TDRKH: variants seen among roughly 807,000 people sequenced by gnomAD.
TDRKH encodes tudor and KH domain containing.
A neutral mutation model predicts 61.3 loss-of-function variants in TDRKH; 28 were observed. The ratio of observed to expected loss-of-function variants is 0.46; its 90% CI spans 0.34 to 0.63. TDRKH has a LOEUF of 0.63. TDRKH is among the 20% of genes least tolerant of loss of function. The pLI, the probability that TDRKH is intolerant of heterozygous loss-of-function variation, is 0.01. For synonymous variants in TDRKH, 219 were observed against 244.4 expected (o/e 0.90, Z 0.97); for missense variants, 540 against 683.4 (o/e 0.79, Z 2.34).
chr1:151,778,176 A>G (rs1649392271), intron 6 of TDRKH, among the ~76,000 whole-genome samples: 1 of 152,212 alleles, frequency 6.6e-6, no homozygotes, highest in African/African-American at 2.4e-5. Context: ...AAATGCATAC[A>G]GTGAAGGCAG....
At chr1:151,770,453 C>T (rs1237803846), downstream of TDRKH, 1 of 713,424 alleles carries the variant, frequency 1.4e-6, no homozygotes, top group East Asian at 3.5e-5. Flanking sequence ...TGAGGAAGCC[C>T]CTGCAGGTGG....
At chr1:151,771,157 GTCA>G, downstream of TDRKH, 1 of 1,613,778 alleles carries the variant, frequency 6.2e-7, no homozygotes, top group Non-Finnish European at 8.5e-7. Flanking sequence ...CTTGGACAAT[GTCA>G]TCTTTATGGT....
At chr1:151,771,710 G>T (rs528424145), downstream of TDRKH, 75 of 386,568 alleles carry the variant, frequency 1.9e-4, no homozygotes, top group Non-Finnish European at 3.3e-4. Flanking sequence ...GGCATTCCAG[G>T]CAGCAGGAAA....
chr1:151,778,833 C>A lies in TDRKH; in HGVS notation c.735G>T (p.Glu245Asp), dbSNP rs770091891. The change falls in exon 6 of 13, where the codon GAG becomes GAT. Residue 245 changes from glutamate to aspartate, a missense_variant. Physicochemically the swap from Glu to Asp is conservative, Grantham distance 45. Transcript: ENST00000368824. The part of the protein sequence containing the change: ...ALWKNTSSSM[E>D]PTAPLVTPPP... ...GAGGAGTCACCAGGGGTGCAGTCGGCTCCATGCTAGAACTGGTGTTTTTCC... is the reference window on the plus strand; with the variant it reads ...GAGGAGTCACCAGGGGTGCAGTCGGATCCATGCTAGAACTGGTGTTTTTCC... 2 of 1,614,102 alleles carry A rather than the reference C, an allele frequency of 1.2e-6. No individual in the cohort carries two copies. The highest frequency in any genetic ancestry group is 2.7e-5 in the African/African-American group (2 of 74,930).
downstream of TDRKH, chr1:151,770,322 T>C (rs3748612): frequency 0.32 from 504,654 of 1,553,996 alleles, 83,541 homozygotes; most frequent in Middle Eastern, 0.46. Flanking sequence ...TTTTCCTTTA[T>C]AGGAGACCCT....
At chr1:151,778,625 C>A (rs1558142519) in intron 6 of TDRKH, 60 bp downstream of exon 6, 1 of 1,603,994 alleles carries the variant, frequency 6.2e-7, no homozygotes, top group Non-Finnish European at 8.5e-7. Context: ...CTAATCTCTC[C>A]AATATCTAAG....
downstream of TDRKH, among the ~76,000 whole-genome samples, chr1:151,768,995 T>A (rs1280039494): frequency 1.3e-5 from 2 of 151,908 alleles, no homozygotes; most frequent in Non-Finnish European, 2.9e-5. Context: ...GGTTATAGAT[T>A]AACAGCATCC....
chr1:151,784,564 T>C (rs1270520801), intron 1 of TDRKH, among the ~76,000 whole-genome samples: 1 of 152,210 alleles, frequency 6.6e-6, no homozygotes. Context: ...TTCCCTCTTC[T>C]CTGAAACACA....
chr1:151,769,701 C>T (rs1312840654), downstream of TDRKH, among the ~76,000 whole-genome samples: 1 of 152,070 alleles, frequency 6.6e-6, no homozygotes, highest in Non-Finnish European at 1.5e-5. Context: ...GCAATCTCGG[C>T]ACTTTGGGAG....
chr1:151,776,257 C>G lies in TDRKH; in HGVS notation c.1056G>C (p.Leu352Phe), dbSNP rs202113370. Residue 352 changes from leucine to phenylalanine, a missense_variant, in exon 8 of 13, where the codon TTG becomes TTC. Physicochemically the swap from Leu to Phe is conservative, Grantham distance 22. This residue lies in a region of TDRKH where 379 missense variants were observed against 443.8 expected (regional missense o/e 0.85). Coordinates refer to ENST00000368824, the MANE Select transcript of TDRKH (RefSeq NM_001083965.2). ...CTACAATGTCTCCTACATGCACAGT[C>G]AAGTCTTCAGGCTGTATGTGGGGAG... ...QHYENSVPEDLTVHVGDIVAA... is the reference protein window; with the variant it reads ...QHYENSVPEDFTVHVGDIVAA... The G allele has an allele frequency of 1.6e-3, 2,575 of 1,613,742 alleles. 4 individuals carry two copies. The highest frequency in any genetic ancestry group is 2.1e-3 in the Non-Finnish European group (2,421 of 1,179,818).
chr1:151,787,444 G>A (rs1365915962), intron 1 of TDRKH, among the ~76,000 whole-genome samples: 3 of 152,092 alleles, frequency 2.0e-5, no homozygotes, highest in East Asian at 1.9e-4. Flanking sequence ...GTCTCGAACT[G>A]CTGACCTCAT....
At position 151,778,409 on chromosome 1, in the gene TDRKH, GA is replaced by G; in HGVS notation, c.883+275del. On this transcript the variant is annotated intron_variant, in intron 6 of 12. Coordinates refer to ENST00000368824, the MANE Select transcript of TDRKH (RefSeq NM_001083965.2). ...TCATCAACTTTGCTTCAGAGTGGAAGAGGCACCAAGTTCTCTCCTACAATTA... is the reference window on the plus strand; with the variant it reads ...TCATCAACTTTGCTTCAGAGTGGAAGGGCACCAAGTTCTCTCCTACAATTA... Among the ~76,000 whole-genome samples the G allele has an allele frequency of 1.3e-5, 2 of 152,340 alleles. 1 individual carries two copies. Among genetic ancestry groups the G allele is most frequent in the Non-Finnish European group, 2.9e-5 (2 of 68,030 alleles).
Position 151,776,470 on chromosome 1 carries a change from T to A in TDRKH, c.1013A>T (p.Asn338Ile). 1.2e-6 allele frequency: 2 copies of A among 1,614,224 alleles called. No individual in the cohort carries two copies. The highest frequency in any genetic ancestry group is 1.7e-6 in the Non-Finnish European group (2 of 1,180,048). Residue 338 changes from asparagine (N) to isoleucine (I), a missense_variant, in exon 7 of 13, where the codon AAT becomes ATT. Coordinates refer to ENST00000368824, the MANE Select transcript of TDRKH (RefSeq NM_001083965.2). Reference sequence around the variant, plus strand: ...ATTCTCATAGTGCTGGGTCATCTCATTGACAAGCTTATCCAATTGCAGGCT... The same window carrying A: ...ATTCTCATAGTGCTGGGTCATCTCAATGACAAGCTTATCCAATTGCAGGCT... The part of the protein sequence containing the change: ...SRSLQLDKLV[N>I]EMTQHYENSV...
intron 1 of TDRKH, among the ~76,000 whole-genome samples, chr1:151,789,212 T>G (rs1222402616): frequency 6.6e-6 from 1 of 152,114 alleles, no homozygotes; most frequent in Non-Finnish European, 1.5e-5. Flanking sequence ...AAAGGTAAAT[T>G]TCACTAACTC....
In TDRKH at chr1:151,775,152, C is replaced by A. The variant is rs1310165013; in HGVS notation, c.1449G>T (p.Gly483=). The change falls in exon 11 of 13, where the codon GGG becomes GGT. Residue 483 remains glycine, a synonymous_variant. Transcript: ENST00000368824. ...DTSNGKKLDI[G]LELVHKGYAI... is the part of the protein sequence containing the mutation. ...CGTATCCTTTGTGTACTAATTCTAG[C>A]CCAATATCAAGTTTCTGAGAAGAAA... is the stretch of plus-strand genomic sequence containing the variant. 1 of 1,613,996 alleles carries A rather than the reference C, an allele frequency of 6.2e-7. No homozygotes were observed. The highest frequency in any genetic ancestry group is 8.5e-7 in the Non-Finnish European group (1 of 1,179,982).
chr1:151,770,708 A>C (rs890339229), downstream of TDRKH: 1 of 250,912 alleles, frequency 4.0e-6, no homozygotes, highest in Middle Eastern at 1.3e-3. Flanking sequence ...ATAACCATTC[A>C]TAAGTGATAG....
downstream of TDRKH, chr1:151,771,837 A>T (rs1648722692): frequency 2.5e-6 from 1 of 398,214 alleles, no homozygotes; most frequent in Non-Finnish European, 4.4e-6. Flanking sequence ...AACTGCAGGT[A>T]AGAATGAGAC....
intron 3 of TDRKH, among the ~76,000 whole-genome samples, chr1:151,780,957 T>G (rs1460659251): frequency 6.6e-6 from 1 of 152,110 alleles, no homozygotes; most frequent in Non-Finnish European, 1.5e-5. Context: ...GAAGTACTCT[T>G]CTCTAGAAGG....
downstream of TDRKH, among the ~76,000 whole-genome samples, chr1:151,773,311 G>A (rs989715588): frequency 6.6e-6 from 1 of 152,158 alleles, no homozygotes; most frequent in Non-Finnish European, 1.5e-5. Context: ...GTGAGCTACC[G>A]TGCCCAGCCA....
Sources: allele counts gnomAD v4.1 joint callset (sites outside exome capture counted in the v4.1 genomes callset), GRCh38; gene constraint gnomAD v4.1.1; regional missense constraint gnomAD v4.1.1; transcripts MANE v1.5; gene names NCBI Gene and HGNC (gene_info 2026-07-23, HGNC 2026-07-21).